Variants in ERI3 observed in about 807,000 individuals in gnomAD.
The protein encoded by ERI3 is ERI1 exoribonuclease family member 3.
In ERI3, 18 loss-of-function variants were observed where a neutral mutation model predicts 44.4. The ratio of observed to expected loss-of-function variants is 0.41; its 90% CI spans 0.28 to 0.60. ERI3 has a LOEUF of 0.60. ERI3 is among the 20% of genes least tolerant of loss of function. The pLI is 0.36. For synonymous variants in ERI3, 183 were observed against 164.8 expected, an observed-to-expected ratio of 1.11 and a Z score of -0.84; for missense variants, 294 against 435.5, an observed-to-expected ratio of 0.68 and a Z score of 2.89.
chr1:44,272,621 C>A (rs932853483), intron 7 of ERI3, among the ~76,000 whole-genome samples: 7 of 151,976 alleles, frequency 4.6e-5, no homozygotes, highest in African/African-American at 1.7e-4. Flanking sequence ...GCGGGTGGAT[C>A]ACTCGAGGCC....
At chr1:44,326,709 C>T (rs1033466332) in intron 3 of ERI3, among the ~76,000 whole-genome samples, 7 of 152,074 alleles carry the variant, frequency 4.6e-5, no homozygotes, top group African/African-American at 1.4e-4. Context: ...AGCTGATGCT[C>T]GAAGTTTCAG....
At chr1:44,344,318 T>A (rs915334177) in intron 2 of ERI3, among the ~76,000 whole-genome samples, 10 of 152,110 alleles carry the variant, frequency 6.6e-5, no homozygotes, top group Non-Finnish European at 8.8e-5. Context: ...GGTTACAATT[T>A]TAAAATTAAA....
At chr1:44,309,764 C>T (rs1303007658) in intron 5 of ERI3, among the ~76,000 whole-genome samples, 2 of 150,486 alleles carry the variant, frequency 1.3e-5, no homozygotes, top group Non-Finnish European at 3.0e-5. Flanking sequence ...GGGGTTTCAC[C>T]GTGTTAGCCA....
intron 8 of ERI3, among the ~76,000 whole-genome samples, chr1:44,238,373 G>A (rs939928070): frequency 3.3e-5 from 5 of 152,208 alleles, no homozygotes; most frequent in African/African-American, 1.2e-4. Flanking sequence ...TAATCCCTGC[G>A]GAGAGTAAGG....
chr1:44,225,041 C>CAG (rs998019712), intron 8 of ERI3, among the ~76,000 whole-genome samples: 8 of 152,074 alleles, frequency 5.3e-5, no homozygotes, highest in African/African-American at 9.6e-5. Context: ...GCCAAAAATT[C>CAG]AGAGAGAGAG....
chr1:44,226,994 C>T (rs147220849), intron 8 of ERI3, among the ~76,000 whole-genome samples: 24 of 152,242 alleles, frequency 1.6e-4, no homozygotes, highest in East Asian at 1.9e-4. Context: ...CCTTTTGAAA[C>T]GACAGCTCTA....
At chr1:44,337,941 A>G (rs2154331077) in intron 3 of ERI3, among the ~76,000 whole-genome samples, 1 of 152,306 alleles carries the variant, frequency 6.6e-6, no homozygotes, top group East Asian at 1.9e-4. Flanking sequence ...CCTATAGAGA[A>G]GAGTTACAGT....
At chr1:44,353,293 G>A (rs988441891) in intron 1 of ERI3, 4 of 985,352 alleles carry the variant, frequency 4.1e-6, no homozygotes, top group Non-Finnish European at 4.8e-6. Context: ...GGCCAGGACT[G>A]GGGTAGGGGT....
chr1:44,295,940 T>C (rs1295549889), intron 6 of ERI3, among the ~76,000 whole-genome samples: 2 of 152,202 alleles, frequency 1.3e-5, no homozygotes, highest in South Asian at 2.1e-4. Context: ...ATTCTGGCTA[T>C]AGGACTGACA....
intron 7 of ERI3, among the ~76,000 whole-genome samples, chr1:44,265,815 C>T (rs544797229): frequency 1.3e-5 from 2 of 152,032 alleles, no homozygotes; most frequent in Non-Finnish European, 2.9e-5. Flanking sequence ...CCAGAATTGC[C>T]AGAATAGGCA....
rs747163361 is a variant in ERI3 at position 44,284,815 on chromosome 1, T to C, written c.831+20A>G. On this transcript the variant is annotated intron_variant, in intron 7 of 8. Transcript: ENST00000372257. ...CAAGAGCACCAGGGGAAGCACCCAG[T>C]TGGGGCTCAGACACAGTACCTTTTT... is the stretch of plus-strand genomic sequence containing the variant. 25 of 1,609,996 alleles carry C rather than the reference T, an allele frequency of 1.6e-5. No homozygotes were observed. The highest frequency in any genetic ancestry group is 4.5e-5 in the East Asian group (2 of 44,848).
At chr1:44,329,371 G>T (rs971625075) in intron 3 of ERI3, among the ~76,000 whole-genome samples, 17 of 152,074 alleles carry the variant, frequency 1.1e-4, no homozygotes, top group Non-Finnish European at 2.2e-4. Flanking sequence ...TTCCTTTCAG[G>T]TCTGCCCCCG....
intron 2 of ERI3, among the ~76,000 whole-genome samples, chr1:44,349,673 T>C (rs755809019): frequency 4.6e-5 from 7 of 152,218 alleles, no homozygotes; most frequent in Non-Finnish European, 8.8e-5. Flanking sequence ...TAAAAACTTA[T>C]TAATTATATA....
intron 7 of ERI3, among the ~76,000 whole-genome samples, chr1:44,264,047 C>T (rs1644942431): frequency 6.6e-6 from 1 of 152,206 alleles, no homozygotes. Context: ...TTCTAGAGCT[C>T]ACTCCCTCCT....
At chr1:44,334,410 C>A (rs1425519363) in intron 3 of ERI3, among the ~76,000 whole-genome samples, 1 of 152,160 alleles carries the variant, frequency 6.6e-6, no homozygotes, top group Non-Finnish European at 1.5e-5. Context: ...CCAAAATGAG[C>A]AAAATGAACT....
At chr1:44,250,343 G>A (rs1644650719) in intron 7 of ERI3, among the ~76,000 whole-genome samples, 1 of 152,236 alleles carries the variant, frequency 6.6e-6, no homozygotes, top group African/African-American at 2.4e-5. Context: ...TCGCAGCTAA[G>A]CGGGAAGACC....
chr1:44,314,151 G>A lies in ERI3; in HGVS notation c.607-923C>T, dbSNP rs1303559847. Among the ~76,000 whole-genome samples, 12 of 109,702 alleles carry A rather than the reference G, an allele frequency of 1.1e-4. No homozygotes were observed. The South Asian group carries it at 4.7e-3, about 43-fold the overall frequency. The allele number at this position is 109,702 out of a possible 152,430, so 72.0% of individuals were successfully genotyped here. A position where few individuals can be genotyped will look rare whatever the true frequency, so the allele number is the denominator to read the frequency against. The stretch of plus-strand genomic sequence containing the variant: ...TGGAAACTTCTTTTTTTTAAAGTGT[G>A]TTGGGGGGGGGGAGATTAAACTCCA... On this transcript the variant is annotated intron_variant, in intron 4 of 8. Transcript: ENST00000372257.
chr1:44,273,180 T>C (rs1231784584), intron 7 of ERI3, among the ~76,000 whole-genome samples: 2 of 152,166 alleles, frequency 1.3e-5, no homozygotes, highest in African/African-American at 4.8e-5. Flanking sequence ...ACAGCAGCAA[T>C]AGGAGGCACA....
At chr1:44,307,382 T>A (rs1004087987) in intron 6 of ERI3, among the ~76,000 whole-genome samples, 1 of 151,916 alleles carries the variant, frequency 6.6e-6, no homozygotes, top group Non-Finnish European at 1.5e-5. Context: ...CTCAGCAACA[T>A]CCCACTTTAT....
Sources: gnomAD v4.1 joint callset for allele counts (sites outside exome capture counted in the v4.1 genomes callset) on GRCh38, gnomAD v4.1.1 for gene constraint, MANE v1.5 for transcripts, NCBI Gene and HGNC (gene_info 2026-07-23, HGNC 2026-07-21) for gene names.